The following OLFM3 variants were observed in gnomAD, a reference collection of about 807,000 sequenced individuals.
OLFM3 encodes olfactomedin 3.
In OLFM3, 20 loss-of-function variants were observed where a neutral mutation model predicts 48.6. The observed-to-expected ratio is 0.41, with a 90% CI of 0.29 to 0.60. The LOEUF (loss-of-function observed/expected upper bound fraction) is 0.60. Among genes scored for constraint, OLFM3 ranks in the 20% least tolerant of loss-of-function variants. The pLI is 0.28. For synonymous variants in OLFM3, 222 were observed against 198.1 expected (o/e 1.12, Z -1.01); for missense variants, 437 against 544.3 (o/e 0.80, Z 1.96).
intron 1 of OLFM3, among the ~76,000 whole-genome samples, chr1:101,934,888 A>C (rs1295288098): frequency 6.6e-6 from 1 of 152,154 alleles, no homozygotes; most frequent in East Asian, 1.9e-4. Flanking sequence ...GAATAAAATT[A>C]AGGCAGAAAT....
At position 101,996,820 on chromosome 1, in the gene OLFM3, G is replaced by C. The variant is rs950058793; in HGVS notation, c.-4C>G. ...GAAGGTTGGACGTCGCCTGCATTCT[G>C]ATCTGGGTTTTTGCCCCTCTTTACT... is the stretch of plus-strand genomic sequence containing the variant. On this transcript the variant is annotated 5_prime_UTR_variant, in exon 1 of 6. In the 5' UTR this introduces an upstream ATG that the reference lacks. Coordinates refer to ENST00000370103, the MANE Select transcript of OLFM3 (RefSeq NM_058170.4). 22 of 1,614,100 alleles carry C rather than the reference G, an allele frequency of 1.4e-5. No homozygotes were observed. Among genetic ancestry groups the C allele is most frequent in the Non-Finnish European group, 1.9e-5 (22 of 1,180,026 alleles).
In OLFM3 at chr1:101,838,442, T is replaced by C. The variant is rs1428361851; in HGVS notation, c.70-1417A>G. Among the ~76,000 whole-genome samples, 4 of 152,234 alleles carry C rather than the reference T, an allele frequency of 2.6e-5. No homozygotes were observed. In the East Asian group the frequency reaches 5.8e-4, roughly 22 times the overall value. On this transcript the variant is annotated intron_variant, in intron 1 of 5. Transcript: ENST00000370103. ...CAAAGATAAGCATTATTATTTTTTA[T>C]GAAATCATTTTTCAGCAAGAACATC...
chr1:101,827,446 AG>A (rs1437497393), intron 3 of OLFM3, among the ~76,000 whole-genome samples: 1 of 151,980 alleles, frequency 6.6e-6, no homozygotes, highest in Non-Finnish European at 1.5e-5. Flanking sequence ...CAGCCTCTCG[AG>A]TGGCTGGGAC....
At chr1:101,991,582 C>T (rs1661413423) in intron 1 of OLFM3, among the ~76,000 whole-genome samples, 1 of 151,822 alleles carries the variant, frequency 6.6e-6, no homozygotes, top group South Asian at 2.1e-4. Context: ...TCCCAAATAA[C>T]CTTTCACATC....
chr1:101,936,844 G>T (rs7531754), intron 1 of OLFM3, among the ~76,000 whole-genome samples: 1 of 151,848 alleles, frequency 6.6e-6, no homozygotes, highest in African/African-American at 2.4e-5. Flanking sequence ...GTCGACAAAA[G>T]CAAGCAATGG....
At chr1:101,979,077 C>T (rs558097329) in intron 1 of OLFM3, among the ~76,000 whole-genome samples, 8 of 152,226 alleles carry the variant, frequency 5.3e-5, no homozygotes, top group African/African-American at 1.9e-4. Context: ...GAACCCTATT[C>T]TTCTGTATGT....
intron 3 of OLFM3, among the ~76,000 whole-genome samples, chr1:101,829,979 C>T (rs143342023): frequency 5.1e-4 from 77 of 151,938 alleles, no homozygotes; most frequent in African/African-American, 1.4e-3. Context: ...GGACTACAGG[C>T]GCCCACCACC....
At chr1:101,968,763 C>G (rs1331670091) in intron 1 of OLFM3, among the ~76,000 whole-genome samples, 1 of 152,138 alleles carries the variant, frequency 6.6e-6, no homozygotes, top group Admixed American at 6.5e-5. Flanking sequence ...TACGATTTAA[C>G]AAATTCCACT....
intron 1 of OLFM3, among the ~76,000 whole-genome samples, chr1:101,953,953 G>A (rs1197355395): frequency 6.6e-6 from 1 of 151,980 alleles, no homozygotes; most frequent in Non-Finnish European, 1.5e-5. Flanking sequence ...GAGGGGAAAG[G>A]AAGCATTGGT....
chr1:101,848,508 AT>A (rs34309802), intron 1 of OLFM3, among the ~76,000 whole-genome samples: 40 of 148,826 alleles, frequency 2.7e-4, no homozygotes, highest in South Asian at 8.5e-4. Context: ...AATCCAGGCC[AT>A]TTTTTTTTTT....
intron 1 of OLFM3, among the ~76,000 whole-genome samples, chr1:101,986,413 A>G (rs911167556): frequency 8.5e-5 from 13 of 152,146 alleles, no homozygotes; most frequent in Admixed American, 8.5e-4. Flanking sequence ...ATACAACTAG[A>G]TAATTACAGA....
At chr1:101,810,868 T>C (rs563727336) in intron 4 of OLFM3, among the ~76,000 whole-genome samples, 13 of 151,840 alleles carry the variant, frequency 8.6e-5, no homozygotes, top group Non-Finnish European at 1.6e-4. Context: ...CTAATAAATT[T>C]ACAGTGGTTA....
At chr1:101,867,136 A>G (rs1656888675) in intron 1 of OLFM3, among the ~76,000 whole-genome samples, 1 of 152,210 alleles carries the variant, frequency 6.6e-6, no homozygotes, top group Non-Finnish European at 1.5e-5. Flanking sequence ...GCATTGCTAT[A>G]CTTATTTTAA....
intron 1 of OLFM3, among the ~76,000 whole-genome samples, chr1:101,958,963 T>C (rs995526969): frequency 2.0e-5 from 3 of 151,902 alleles, no homozygotes; most frequent in African/African-American, 4.8e-5. Flanking sequence ...TTATTAACTA[T>C]AGTCACCATG....
Position 101,956,103 on chromosome 1 carries a change from T to TTTTTTTTAA in OLFM3, c.69+40644_69+40645insTTAAAAAAA, listed in dbSNP as rs781231551. On this transcript the variant is annotated intron_variant, in intron 1 of 5. Transcript: ENST00000370103. ...AATAACAGGTTTTTTTTTTTTTTTT[T>TTTTTTTTAA]AAAAAAAACCTTTACAGAATTTTCT... Among the ~76,000 whole-genome samples, 4 of 143,360 alleles carry TTTTTTTTAA rather than the reference T, an allele frequency of 2.8e-5. No homozygotes were observed. The East Asian group carries it at 8.4e-4, about 30-fold the overall frequency. The allele number at this position is 143,360 out of a possible 152,430, so 94.0% of individuals were successfully genotyped here.
intron 1 of OLFM3, among the ~76,000 whole-genome samples, chr1:101,911,139 C>G (rs1308529617): frequency 6.6e-6 from 1 of 152,082 alleles, no homozygotes; most frequent in Admixed American, 6.6e-5. Context: ...TACTAAGGAG[C>G]TCAGTGGTAC....
intron 1 of OLFM3, among the ~76,000 whole-genome samples, chr1:101,839,707 C>T (rs755901705): frequency 1.3e-5 from 2 of 152,178 alleles, no homozygotes; most frequent in Admixed American, 1.3e-4. Flanking sequence ...CATGACAGAA[C>T]TCCATGTCAG....
intron 1 of OLFM3, among the ~76,000 whole-genome samples, chr1:101,951,469 G>A (rs1489836512): frequency 6.6e-6 from 1 of 152,098 alleles, no homozygotes; most frequent in Admixed American, 6.5e-5. Context: ...TTCATGATTA[G>A]TTTGAACTAA....
chr1:101,863,292 T>G (rs572444244), intron 1 of OLFM3, among the ~76,000 whole-genome samples: 2 of 152,302 alleles, frequency 1.3e-5, no homozygotes, highest in Non-Finnish European at 2.9e-5. Flanking sequence ...CTTTTGATAT[T>G]GGATATTTCC....
Sources: gnomAD v4.1 joint callset for allele counts (sites outside exome capture counted in the v4.1 genomes callset) on GRCh38, gnomAD v4.1.1 for gene constraint, MANE v1.5 for transcripts, NCBI Gene and HGNC (gene_info 2026-07-23, HGNC 2026-07-21) for gene names.